Variants in SEL1L3 observed in about 807,000 individuals in gnomAD.
SEL1L3 encodes the protein protein sel-1 homolog 3.
In SEL1L3, 76 loss-of-function variants were observed where a neutral mutation model predicts 142.8. The ratio of observed to expected loss-of-function variants is 0.53; its 90% CI spans 0.44 to 0.64. The LOEUF is 0.64. Ranked by LOEUF, SEL1L3 falls within the 30% of genes least tolerant of loss-of-function variation. The pLI is 0.00. For synonymous variants in SEL1L3, 504 were observed against 519.6 expected, an observed-to-expected ratio of 0.97 and a Z score of 0.41; for missense variants, 1,262 against 1,381.7, an observed-to-expected ratio of 0.91 and a Z score of 1.37.
intron 20 of SEL1L3, among the ~76,000 whole-genome samples, chr4:25,762,227 G>T (rs1319366745): frequency 6.6e-6 from 1 of 152,242 alleles, no homozygotes; most frequent in Admixed American, 6.5e-5. Flanking sequence ...GGGATTACAG[G>T]CATGAGCCAC....
chr4:25,733,974 A>T, the SEL1L3 span, among the ~76,000 whole-genome samples: 1 of 152,098 alleles, frequency 6.6e-6, no homozygotes, highest in Non-Finnish European at 1.5e-5. Context: ...TTTTTATCAG[A>T]TTGAGGAAGT....
the SEL1L3 span, among the ~76,000 whole-genome samples, chr4:25,735,027 T>C: frequency 6.6e-6 from 1 of 152,206 alleles, no homozygotes. Context: ...TTGGTATATT[T>C]TCCTAAAATG....
At chr4:25,774,430 A>G (rs1047072044) in intron 17 of SEL1L3, among the ~76,000 whole-genome samples, 1 of 152,140 alleles carries the variant, frequency 6.6e-6, no homozygotes, top group Admixed American at 6.5e-5. Flanking sequence ...CAACCAACCA[A>G]TCAACCAACC....
At chr4:25,753,840 T>C (rs931734301) in intron 23 of SEL1L3, among the ~76,000 whole-genome samples, 3 of 150,300 alleles carry the variant, frequency 2.0e-5, no homozygotes, top group Non-Finnish European at 4.4e-5. Context: ...AAAAATCAGC[T>C]GGGGGTGGTG....
At chr4:25,739,238 A>G in the SEL1L3 span, among the ~76,000 whole-genome samples, 1 of 151,936 alleles carries the variant, frequency 6.6e-6, no homozygotes, top group South Asian at 2.1e-4. Flanking sequence ...AACAACAACA[A>G]AAAAACAATG....
At chr4:25,747,170 G>A (rs552205198), downstream of SEL1L3, among the ~76,000 whole-genome samples, 4 of 152,260 alleles carry the variant, frequency 2.6e-5, no homozygotes, top group African/African-American at 7.2e-5. Flanking sequence ...AATGAACATA[G>A]AGCCCAGGCT....
At chr4:25,831,324 G>T (rs997919387) in intron 5 of SEL1L3, among the ~76,000 whole-genome samples, 5 of 151,526 alleles carry the variant, frequency 3.3e-5, no homozygotes, top group Non-Finnish European at 7.4e-5. Flanking sequence ...AAACTAGTTT[G>T]TCTGCTAACC....
At chr4:25,731,042 T>C in the SEL1L3 span, among the ~76,000 whole-genome samples, 2 of 151,978 alleles carry the variant, frequency 1.3e-5, no homozygotes, top group Non-Finnish European at 2.9e-5. Flanking sequence ...AAAAATAAAA[T>C]AAAGTCAGGT....
intron 23 of SEL1L3, among the ~76,000 whole-genome samples, chr4:25,752,187 C>T (rs982121420): frequency 6.0e-5 from 9 of 150,384 alleles, no homozygotes; most frequent in Admixed American, 1.3e-4. Context: ...GAGGCTGAGT[C>T]GGGCGGATCA....
the SEL1L3 span, among the ~76,000 whole-genome samples, chr4:25,723,014 C>T: frequency 6.6e-6 from 1 of 152,092 alleles, no homozygotes; most frequent in African/African-American, 2.4e-5. Flanking sequence ...GGCCTGACCC[C>T]GACAGTCATC....
In SEL1L3 at chr4:25,748,065, G is replaced by A. The variant is rs540049487; in HGVS notation, c.*360C>T. ...GTTCTTCAATAAAGGGATGAAGCACGCACTGTGATTCTTAAGACACATCTT... is the reference window on the plus strand; with the variant it reads ...GTTCTTCAATAAAGGGATGAAGCACACACTGTGATTCTTAAGACACATCTT... On this transcript the variant is annotated 3_prime_UTR_variant, in exon 24 of 24. Transcript: ENST00000399878. 5.2e-5 allele frequency: 10 copies of A among 193,914 alleles called. No individual in the cohort carries two copies. The highest frequency in any genetic ancestry group is 1.6e-4 in the African/African-American group (7 of 42,912). 12.0% of individuals were successfully genotyped at this position (193,914 alleles called of 1,614,324 possible).
At chr4:25,733,441 A>T in the SEL1L3 span, among the ~76,000 whole-genome samples, 1 of 149,178 alleles carries the variant, frequency 6.7e-6, no homozygotes, top group African/African-American at 2.5e-5. Flanking sequence ...TCAAAACATA[A>T]TTTTTTTAAT....
chr4:25,784,154 C>T, intron 14 of SEL1L3, 74 bp downstream of exon 14: 1 of 1,280,370 alleles, frequency 7.8e-7, no homozygotes, highest in Non-Finnish European at 1.1e-6. Context: ...CTGGCCATTT[C>T]CTCTTTTAGA....
chr4:25,819,931 G>T lies in SEL1L3; in HGVS notation c.1300C>A (p.Pro434Thr). ...RSLHPAQIFN[P>T]LLEKQLAEQI... ...TCAGCAAGTTGCTTCTCAAGGAGGG[G>T]ATTAAAAATCTACAAGAAGGCAAGA... The change falls in exon 8 of 24, where the codon CCC (proline) becomes ACC (threonine). Residue 434 changes from proline (P) to threonine (T), a missense_variant. Pro to Thr is a conservative substitution (Grantham distance 38). Coordinates refer to ENST00000399878, the MANE Select transcript of SEL1L3 (RefSeq NM_015187.5). The T allele has an allele frequency of 6.2e-7, 1 of 1,610,244 alleles. No homozygotes were observed.
rs758809982 is a variant in SEL1L3 at position 25,790,539 on chromosome 4, T to C, written c.1992A>G (p.Glu664=). 1.9e-6 allele frequency: 3 copies of C among 1,612,870 alleles called. No individual in the cohort carries two copies. In the South Asian group the frequency reaches 3.3e-5, roughly 18 times the overall value. Residue 664 remains glutamate (E), a synonymous_variant, in exon 12 of 24, where the codon GAA becomes GAG. Coordinates refer to ENST00000399878, the MANE Select transcript of SEL1L3 (RefSeq NM_015187.5). The part of the protein sequence containing the change: ...YVETIRLKDD[E]ILKVQTKEDG... Reference sequence around the variant, plus strand: ...CTTCTTTGGTTTGTACCTTGAGTATTTCATCATCTTTTAGTCTAATTGTTT... The same window carrying C: ...CTTCTTTGGTTTGTACCTTGAGTATCTCATCATCTTTTAGTCTAATTGTTT...
At chr4:25,829,252 C>A (rs144128482) in intron 6 of SEL1L3, among the ~76,000 whole-genome samples, 4,774 of 152,282 alleles carry the variant, frequency 0.031, 252 homozygotes, top group African/African-American at 0.11. Flanking sequence ...GGATTACAGG[C>A]GTGAGCCAAC....
intron 23 of SEL1L3, among the ~76,000 whole-genome samples, chr4:25,751,783 G>T (rs993150172): frequency 6.6e-6 from 1 of 151,486 alleles, no homozygotes; most frequent in African/African-American, 2.4e-5. Context: ...ATTTTTTATT[G>T]ATCAGTCAAT....
chr4:25,741,708 T>C, the SEL1L3 span, among the ~76,000 whole-genome samples: 1 of 152,158 alleles, frequency 6.6e-6, no homozygotes, highest in Non-Finnish European at 1.5e-5. Flanking sequence ...ACAGAAATCC[T>C]TTATTTTTGA....
intron 17 of SEL1L3, among the ~76,000 whole-genome samples, chr4:25,769,064 A>AT (rs1316008392): frequency 6.6e-6 from 1 of 152,124 alleles, no homozygotes; most frequent in Non-Finnish European, 1.5e-5. Flanking sequence ...GTAAAACTCT[A>AT]TTTTATCCAG....
Sources: gnomAD v4.1 joint callset for allele counts (sites outside exome capture counted in the v4.1 genomes callset) on GRCh38, gnomAD v4.1.1 for gene constraint, MANE v1.5 for transcripts, NCBI Gene and HGNC (gene_info 2026-07-23, HGNC 2026-07-21) for gene names.